The following FCHSD2 variants were observed in gnomAD, a reference collection of about 807,000 sequenced individuals.
FCHSD2 encodes F-BAR and double SH3 domains protein 2.
A neutral mutation model predicts 108.1 loss-of-function variants in FCHSD2; 38 were observed. The ratio of observed to expected loss-of-function variants is 0.35; its 90% CI spans 0.27 to 0.46. FCHSD2 has a LOEUF of 0.46. Among genes scored for constraint, FCHSD2 ranks in the 20% least tolerant of loss-of-function variants. The pLI is 1.00. For missense variants in FCHSD2, 751 were observed against 897.8 expected, an observed-to-expected ratio of 0.84 and a Z score of 2.09; for synonymous variants, 279 against 314.7, an observed-to-expected ratio of 0.89 and a Z score of 1.20.
chr11:72,956,870 G>A (rs1856720926), intron 8 of FCHSD2, among the ~76,000 whole-genome samples: 1 of 151,492 alleles, frequency 6.6e-6, no homozygotes, highest in Non-Finnish European at 1.5e-5. Flanking sequence ...TTGACTAGGT[G>A]ACCAATATTA....
chr11:73,137,991 C>T (rs964073527), intron 2 of FCHSD2, among the ~76,000 whole-genome samples: 3 of 152,128 alleles, frequency 2.0e-5, no homozygotes, highest in Non-Finnish European at 4.4e-5. Context: ...ATGTGGAAGA[C>T]ATATTTAAAA....
intron 3 of FCHSD2, among the ~76,000 whole-genome samples, chr11:73,027,910 G>T (rs1253293226): frequency 6.6e-6 from 1 of 152,266 alleles, no homozygotes; most frequent in Non-Finnish European, 1.5e-5. Context: ...CTTCCACATG[G>T]TATTGGGCCT....
chr11:72,933,633 A>G (rs1856239435), intron 8 of FCHSD2, among the ~76,000 whole-genome samples: 1 of 152,194 alleles, frequency 6.6e-6, no homozygotes, highest in Non-Finnish European at 1.5e-5. Flanking sequence ...GTAAGGAAAA[A>G]AAGTTGATTC....
intron 2 of FCHSD2, among the ~76,000 whole-genome samples, chr11:73,127,675 A>G (rs1392724383): frequency 6.6e-6 from 1 of 152,198 alleles, no homozygotes; most frequent in African/African-American, 2.4e-5. Context: ...TCAAGAGTAA[A>G]TTGCCAATCA....
intron 8 of FCHSD2, among the ~76,000 whole-genome samples, chr11:72,940,040 C>T (rs1463523781): frequency 6.6e-6 from 1 of 152,120 alleles, no homozygotes; most frequent in Non-Finnish European, 1.5e-5. Context: ...AGTGTTACAG[C>T]CTGTATAGAA....
At chr11:73,025,161 T>C (rs1393394641) in intron 3 of FCHSD2, among the ~76,000 whole-genome samples, 2 of 152,160 alleles carry the variant, frequency 1.3e-5, no homozygotes, top group Admixed American at 6.5e-5. Flanking sequence ...GGAATATAAA[T>C]CATTCTATTA....
chr11:72,922,754 T>C (rs1478585808), intron 8 of FCHSD2, among the ~76,000 whole-genome samples: 2 of 152,118 alleles, frequency 1.3e-5, no homozygotes, highest in Admixed American at 6.5e-5. Flanking sequence ...GGTTCTGAAG[T>C]CTTGCCAATC....
At chr11:72,848,874 T>A (rs1861214545) in intron 14 of FCHSD2, among the ~76,000 whole-genome samples, 1 of 152,212 alleles carries the variant, frequency 6.6e-6, no homozygotes, top group South Asian at 2.1e-4. Context: ...CTGTAATACC[T>A]TTCCAAGTAT....
At chr11:73,006,459 G>A (rs1857743302) in intron 4 of FCHSD2, among the ~76,000 whole-genome samples, 1 of 152,052 alleles carries the variant, frequency 6.6e-6, no homozygotes, top group South Asian at 2.1e-4. Flanking sequence ...TATCATATCT[G>A]CTCCATCAAG....
chr11:72,976,468 C>T (rs565393826), intron 8 of FCHSD2, among the ~76,000 whole-genome samples: 8 of 152,036 alleles, frequency 5.3e-5, no homozygotes, highest in African/African-American at 1.7e-4. Context: ...TTTGTAGAGA[C>T]AAAGTCTCAC....
rs75409252 is a variant in FCHSD2, at chr11:72,857,775, C to T, written c.1309-7886G>A. Reference sequence around the variant, plus strand: ...AAAATGCTTACTCTTATTGCAGAGGCAGGAAAGATGATCTTTTTGAGTTGG... The same window carrying T: ...AAAATGCTTACTCTTATTGCAGAGGTAGGAAAGATGATCTTTTTGAGTTGG... On this transcript the variant is annotated intron_variant, in intron 13 of 19. Transcript: ENST00000409418. 9.1e-3 allele frequency among the ~76,000 whole-genome samples: 1,390 copies of T among 152,084 alleles called. 22 individuals are homozygous for T. Among genetic ancestry groups the T allele is most frequent in the African/African-American group, 0.031 (1,267 of 41,500 alleles).
chr11:72,905,614 G>C (rs1170455340), intron 9 of FCHSD2, among the ~76,000 whole-genome samples: 1 of 150,988 alleles, frequency 6.6e-6, no homozygotes, highest in African/African-American at 2.4e-5. Context: ...ACAGGTCCCA[G>C]TGCGTGATGT....
At chr11:72,892,604 GT>G (rs869117582) in intron 10 of FCHSD2, among the ~76,000 whole-genome samples, 1 of 148,004 alleles carries the variant, frequency 6.8e-6, no homozygotes, top group Non-Finnish European at 1.5e-5. Context: ...GTTTTTGTTT[GT>G]TTTGTTTTTT....
At chr11:73,085,010 C>T (rs1235096369) in intron 2 of FCHSD2, among the ~76,000 whole-genome samples, 5 of 149,706 alleles carry the variant, frequency 3.3e-5, no homozygotes. Context: ...GTCAAGAAAC[C>T]AAAATTCTCA....
At chr11:73,015,712 T>C in intron 4 of FCHSD2, 97 bp downstream of exon 4, 3 of 643,574 alleles carry the variant, frequency 4.7e-6, no homozygotes, top group South Asian at 4.6e-5. Flanking sequence ...AGGAAAGAAG[T>C]AATTCTTTTA....
At chr11:73,111,306 C>A (rs1368808020) in intron 2 of FCHSD2, among the ~76,000 whole-genome samples, 1 of 152,184 alleles carries the variant, frequency 6.6e-6, no homozygotes, top group Non-Finnish European at 1.5e-5. Context: ...GTATTGGGTA[C>A]ATATATATTT....
At chr11:73,062,963 A>G (rs1859202836) in intron 3 of FCHSD2, among the ~76,000 whole-genome samples, 1 of 152,208 alleles carries the variant, frequency 6.6e-6, no homozygotes, top group Non-Finnish European at 1.5e-5. Flanking sequence ...CCTCAAGAAG[A>G]GCAACCCTAA....
chr11:72,842,709 T>A lies in FCHSD2; in HGVS notation c.1838A>T (p.Asn613Ile), dbSNP rs766081890. 3.7e-6 allele frequency: 6 copies of A among 1,614,046 alleles called. No individual in the cohort carries two copies. In the Admixed American group the frequency reaches 8.3e-5, roughly 22 times the overall value. ...DDDGFWEGEF[N>I]GRIGVFPSVL... ...CGATGGGAAAACTCCAATACGCCCA[T>A]TGAATTCCCCTTCCCAGAAGCCATC... The change falls in exon 17 of 20, where the codon AAT becomes ATT. Residue 613 changes from asparagine to isoleucine, a missense_variant. Physicochemically the swap from Asn to Ile is moderately radical, Grantham distance 149. Transcript: ENST00000409418.
intron 8 of FCHSD2, among the ~76,000 whole-genome samples, chr11:72,983,061 G>A (rs1857244051): frequency 6.6e-6 from 1 of 152,064 alleles, no homozygotes; most frequent in Non-Finnish European, 1.5e-5. Context: ...TTGGGAGGCT[G>A]AGGCGGGCGG....
Sources: allele counts gnomAD v4.1 joint callset (sites outside exome capture counted in the v4.1 genomes callset), GRCh38; gene constraint gnomAD v4.1.1; transcripts MANE v1.5; gene names NCBI Gene and HGNC (gene_info 2026-07-23, HGNC 2026-07-21).